The following C2 variants were observed in gnomAD, a reference collection of about 807,000 sequenced individuals.
The protein encoded by C2 is C3/C5 convertase.
A neutral mutation model predicts 85.2 loss-of-function variants in C2; 64 were observed. That is an observed-to-expected ratio of 0.75 (90% CI 0.61 to 0.92). C2 has a LOEUF of 0.92. Ranked by LOEUF, C2 falls within the 40% of genes least tolerant of loss-of-function variation. The pLI is 0.00. For synonymous variants in C2, 311 were observed against 370.8 expected, an observed-to-expected ratio of 0.84 and a Z score of 1.85; for missense variants, 820 against 971.6, an observed-to-expected ratio of 0.84 and a Z score of 2.07.
chr6:31,943,860 AGAT>A lies in C2; in HGVS notation c.1733+52_1733+54del. On this transcript the variant is annotated intron_variant, in intron 13 of 17. Transcript: ENST00000299367. This position sits in a 1 kb window ranked among gnomAD's most constrained non-coding sequence, Gnocchi z 6.4. ...TGCCCTGCAGGGAAGAGTGCTCTGGAGATCCCTGGAAGAGATACTGGGGACAGG... is the reference window on the plus strand; with the variant it reads ...TGCCCTGCAGGGAAGAGTGCTCTGGACCCTGGAAGAGATACTGGGGACAGG... 1 of 1,611,654 alleles carries A rather than the reference AGAT, an allele frequency of 6.2e-7. No individual in the cohort carries two copies. Among genetic ancestry groups the A allele is most frequent in the Non-Finnish European group, 8.5e-7 (1 of 1,178,886 alleles).
chr6:31,933,859 C>T lies in C2; in HGVS notation c.617-8C>T. The T allele has an allele frequency of 1.2e-6, 2 of 1,613,736 alleles. No homozygotes were observed. Among genetic ancestry groups the T allele is most frequent in the Non-Finnish European group, 1.7e-6 (2 of 1,179,750 alleles). On this transcript the variant is annotated splice_region_variant and splice_polypyrimidine_tract_variant and intron_variant, in intron 4 of 17. Coordinates refer to ENST00000299367, the MANE Select transcript of C2 (RefSeq NM_000063.6). ...CCCCGGCTGACTCCTGTGTGGCTCT[C>T]CCCACAGAACCCTACTCTTATGACT... is the stretch of plus-strand genomic sequence containing the variant.
chr6:31,897,915 T>G, upstream of C2: 7 of 1,049,706 alleles, frequency 6.7e-6, no homozygotes, highest in Non-Finnish European at 1.1e-6. Flanking sequence ...GGCCCAGGTG[T>G]GGCGTCTCTG....
chr6:31,943,118 C>G lies in C2; in HGVS notation c.1360+19C>G, dbSNP rs1771023807. The G allele has an allele frequency of 1.2e-6, 2 of 1,612,928 alleles. No homozygotes were observed. Among genetic ancestry groups the G allele is most frequent in the Non-Finnish European group, 1.7e-6 (2 of 1,179,956 alleles). ...ATGCTGGGTGAGTGAGCTTTGCCCT[C>G]CTTGGTGTGGGGAGGATGGTGAGGA... On this transcript the variant is annotated intron_variant, in intron 10 of 17. Coordinates refer to ENST00000299367, the MANE Select transcript of C2 (RefSeq NM_000063.6). This position sits in a 1 kb window ranked among gnomAD's most constrained non-coding sequence, Gnocchi z 6.4.
intron 1 of C2, among the ~76,000 whole-genome samples, chr6:31,913,737 C>G (rs1313391674): frequency 6.6e-6 from 1 of 151,982 alleles, no homozygotes; most frequent in Non-Finnish European, 1.5e-5. Flanking sequence ...ACCTCCGCCT[C>G]CTGGGTGTAA....
At chr6:31,912,151 A>G (rs1768158137) in intron 1 of C2, among the ~76,000 whole-genome samples, 2 of 152,122 alleles carry the variant, frequency 1.3e-5, no homozygotes, top group South Asian at 2.1e-4. Context: ...AAGCATCCAC[A>G]TATTCGTAAG....
upstream of C2, among the ~76,000 whole-genome samples, chr6:31,915,927 ATC>A (rs1458879184): frequency 1.3e-5 from 2 of 152,188 alleles, no homozygotes; most frequent in Non-Finnish European, 2.9e-5. Context: ...TGGCTCACAT[ATC>A]TCTCTCCCAC....
chr6:31,909,687 T>TAGCTTCCCAAATTCCTCTC (rs951757868), intron 1 of C2, among the ~76,000 whole-genome samples: 1 of 151,446 alleles, frequency 6.6e-6, no homozygotes, highest in Non-Finnish European at 1.5e-5. Flanking sequence ...CCTCCAGCCT[T>TAGCTTCCCAAATTCCTCTC]AGCTTCCCAA....
At position 31,928,808 on chromosome 6, in the gene C2, C is replaced by T. The variant is rs757869634; in HGVS notation, c.333C>T (p.Gly111=). 6.2e-7 allele frequency: 1 copy of T among 1,614,208 alleles called. No homozygotes were observed. The highest frequency in any genetic ancestry group is 2.2e-5 in the East Asian group (1 of 44,890). ...TPRLGSYPVG[G]NVSFECEDGF... is the part of the protein sequence containing the mutation. ...GGCTGGGGTCCTATCCCGTGGGTGG[C>T]AATGTGAGCTTCGAGTGTGAGGATG... The change falls in exon 3 of 18, where the codon GGC becomes GGT. Residue 111 remains glycine (G), a synonymous_variant. Coordinates refer to ENST00000299367, the MANE Select transcript of C2 (RefSeq NM_000063.6).
intron 9 of C2, chr6:31,941,813 A>ATTTTTTTTTTT (rs1770901522): frequency 1.1e-5 from 1 of 89,128 alleles, no homozygotes; most frequent in Non-Finnish European, 2.2e-5. Flanking sequence ...CAGCCAGTTC[A>ATTTTTTTTTTT]CTTTTTTTTT....
chr6:31,919,993 T>G (rs1768853627), exon 1 of C2: 2 of 152,234 alleles, frequency 1.3e-5, no homozygotes, highest in African/African-American at 4.8e-5. Flanking sequence ...TGTATTTTGC[T>G]GTTGGTTCTG....
intron 3 of C2, among the ~76,000 whole-genome samples, chr6:31,931,803 C>G (rs1217692466): frequency 6.6e-6 from 1 of 152,102 alleles, no homozygotes; most frequent in African/African-American, 2.4e-5. Context: ...GGGGTGGTGG[C>G]CGGGCAGAGG....
In C2 at chr6:31,943,765, T is replaced by C. The variant is rs781132300; in HGVS notation, c.1689T>C (p.Ala563=). 1 of 1,613,092 alleles carries C rather than the reference T, an allele frequency of 6.2e-7. No individual in the cohort carries two copies. Among genetic ancestry groups the C allele is most frequent in the Non-Finnish European group, 8.5e-7 (1 of 1,180,028 alleles). The change falls in exon 13 of 18, where the codon GCT becomes GCC. Residue 563 remains alanine (A), a synonymous_variant. Coordinates refer to ENST00000299367, the MANE Select transcript of C2 (RefSeq NM_000063.6). The surrounding 1 kb of genome is among the most constrained non-coding windows in gnomAD (Gnocchi z 6.4). ...GILEFYGDDI[A]LLKLAQKVKM... is the part of the protein sequence containing the mutation. ...TGGAGTTCTATGGTGATGACATAGC[T>C]CTGCTGAAGCTGGCCCAGAAAGTAA...
At chr6:31,933,552 G>A in intron 3 of C2, 58 bp from the exon 4 acceptor site, 3 of 1,588,034 alleles carry the variant, frequency 1.9e-6, no homozygotes, top group South Asian at 1.1e-5. Flanking sequence ...GGCCGCTGAG[G>A]AGGCAGAGCC....
Position 31,913,653 on chromosome 6 carries a change from TC to T in C2, c.73+12515del, listed in dbSNP as rs1364827247. ...GCTGACGTTAAGTAAAGGAGTTTAC[TC>T]TTTTTTTTTTGAGATGGAGTCTCAT... On this transcript the variant is annotated intron_variant, in intron 1 of 3. Transcript: ENST00000452202. 6.6e-5 allele frequency among the ~76,000 whole-genome samples: 10 copies of T among 152,174 alleles called. No homozygotes were observed. The South Asian group carries it at 1.2e-3, about 19-fold the overall frequency.
chr6:31,930,158 C>T (rs918724527), intron 3 of C2, among the ~76,000 whole-genome samples: 3 of 151,434 alleles, frequency 2.0e-5, no homozygotes, highest in African/African-American at 7.3e-5. Flanking sequence ...CTCAGCTCAC[C>T]GCAACATCTG....
intron 2 of C2, 55 bp downstream of exon 2, chr6:31,928,219 C>T: frequency 6.5e-7 from 1 of 1,530,204 alleles, no homozygotes; most frequent in Non-Finnish European, 8.8e-7. Context: ...CACCCCAGAA[C>T]TTTTGTTTAG....
chr6:31,913,788 AG>A (rs1237652352), intron 1 of C2, among the ~76,000 whole-genome samples: 1 of 151,820 alleles, frequency 6.6e-6, no homozygotes, highest in East Asian at 1.9e-4. Flanking sequence ...CTGGGACTAC[AG>A]GCACCACACC....
intron 9 of C2, 38 bp downstream of exon 9, chr6:31,939,358 C>A: frequency 7.0e-7 from 1 of 1,421,766 alleles, no homozygotes; most frequent in Non-Finnish European, 9.9e-7. Context: ...TGTTCTGCTC[C>A]TGCAGAGGTC....
At chr6:31,925,663 C>T (rs539843308), upstream of C2, among the ~76,000 whole-genome samples, 29 of 152,274 alleles carry the variant, frequency 1.9e-4, no homozygotes, top group Non-Finnish European at 3.4e-4. Flanking sequence ...CGTTACCATA[C>T]AGAGGGGAAG....
Sources: gnomAD v4.1 joint callset for allele counts (sites outside exome capture counted in the v4.1 genomes callset) on GRCh38, gnomAD v4.1.1 for gene constraint, Gnocchi (gnomAD v3.1) non-coding constraint, MANE v1.5 for transcripts, NCBI Gene and HGNC (gene_info 2026-07-23, HGNC 2026-07-21) for gene names.